Variants in ZNF804B observed in about 807,000 individuals in gnomAD.
ZNF804B encodes the protein zinc finger protein 804B.
A neutral mutation model predicts 101.4 loss-of-function variants in ZNF804B; 80 were observed. The observed-to-expected ratio is 0.79, with a 90% CI of 0.66 to 0.95. The LOEUF (loss-of-function observed/expected upper bound fraction) is 0.95, where lower values mean the gene tolerates loss of function less well. ZNF804B is among the 40% of genes least tolerant of loss of function. The pLI, the probability that ZNF804B is intolerant of heterozygous loss-of-function variation, is 0.00. For missense variants in ZNF804B, 1,673 were observed against 1,561.9 expected (o/e 1.07, Z -1.20); for synonymous variants, 622 against 558.8 (o/e 1.11, Z -1.59).
intron 2 of ZNF804B, among the ~76,000 whole-genome samples, chr7:89,269,185 G>A (rs1308227253): frequency 6.6e-6 from 1 of 152,002 alleles, no homozygotes; most frequent in Non-Finnish European, 1.5e-5. Flanking sequence ...TTTACATTAG[G>A]TACATCTCCT....
intron 2 of ZNF804B, among the ~76,000 whole-genome samples, chr7:89,296,716 TAG>T (rs1435053370): frequency 6.6e-6 from 1 of 152,100 alleles, no homozygotes; most frequent in Admixed American, 6.6e-5. Context: ...TTCTTTAATG[TAG>T]AGTCTCAGCA....
chr7:89,210,379 G>T (rs1420360830), intron 1 of ZNF804B, among the ~76,000 whole-genome samples: 2 of 152,084 alleles, frequency 1.3e-5, no homozygotes, highest in Admixed American at 6.6e-5. Flanking sequence ...TGCGCAGGAT[G>T]TGCAGGTTTG....
At chr7:89,125,684 T>C (rs1790466770) in intron 1 of ZNF804B, among the ~76,000 whole-genome samples, 1 of 152,112 alleles carries the variant, frequency 6.6e-6, no homozygotes, top group South Asian at 2.1e-4. Context: ...GTGCTACTTC[T>C]TCCTTCAGTA....
At chr7:89,143,965 T>G (rs1036850268) in intron 1 of ZNF804B, among the ~76,000 whole-genome samples, 1 of 152,004 alleles carries the variant, frequency 6.6e-6, no homozygotes, top group Non-Finnish European at 1.5e-5. Context: ...AGTAGCTATA[T>G]TCTCTCCAAT....
At chr7:89,144,580 A>G (rs933812969) in intron 1 of ZNF804B, among the ~76,000 whole-genome samples, 1 of 151,918 alleles carries the variant, frequency 6.6e-6, no homozygotes, top group Admixed American at 6.6e-5. Flanking sequence ...ATGTTGATCA[A>G]AAGGTATAAG....
intron 1 of ZNF804B, among the ~76,000 whole-genome samples, chr7:88,985,251 C>CAA (rs58927850): frequency 0.1 from 12,848 of 125,962 alleles, 602 homozygotes; most frequent in South Asian, 0.19. Flanking sequence ...TTTGTTTAAC[C>CAA]AAAAAAAAAA....
chr7:89,246,990 TGAG>T (rs1789458837), intron 2 of ZNF804B, among the ~76,000 whole-genome samples: 1 of 152,098 alleles, frequency 6.6e-6, no homozygotes, highest in Non-Finnish European at 1.5e-5. Context: ...ACCATTCCTG[TGAG>T]GAGATCTTGG....
At chr7:89,018,573 T>A (rs946823160) in intron 1 of ZNF804B, among the ~76,000 whole-genome samples, 2 of 152,082 alleles carry the variant, frequency 1.3e-5, no homozygotes, top group Non-Finnish European at 2.9e-5. Flanking sequence ...CTTCAATTTT[T>A]GGAATCGTTT....
intron 1 of ZNF804B, among the ~76,000 whole-genome samples, chr7:88,874,483 C>A (rs1178737957): frequency 6.6e-6 from 1 of 151,930 alleles, no homozygotes; most frequent in Non-Finnish European, 1.5e-5. Context: ...GCCTAATTGC[C>A]CTGGCTAGAA....
chr7:88,853,819 TG>T (rs1178987974), intron 1 of ZNF804B, among the ~76,000 whole-genome samples: 1 of 152,126 alleles, frequency 6.6e-6, no homozygotes, highest in African/African-American at 2.4e-5. Context: ...TAAGATGGTA[TG>T]ACCTTCTTGA....
intron 2 of ZNF804B, among the ~76,000 whole-genome samples, chr7:89,221,672 TAAAC>T (rs1216125941): frequency 1.3e-5 from 2 of 150,604 alleles, no homozygotes; most frequent in Admixed American, 6.7e-5. Flanking sequence ...AACATGTTGA[TAAAC>T]AACCTTCCTC....
chr7:89,111,235 C>G (rs894767951), intron 1 of ZNF804B, among the ~76,000 whole-genome samples: 2 of 152,144 alleles, frequency 1.3e-5, no homozygotes, highest in African/African-American at 4.8e-5. Context: ...TTAAACTCAC[C>G]TGGACAAAGA....
At chr7:88,999,692 A>G (rs2373828) in intron 1 of ZNF804B, among the ~76,000 whole-genome samples, 128,498 of 151,946 alleles carry the variant, frequency 0.85, 54,755 homozygotes, top group African/African-American at 0.95. Context: ...ATGAGCCAGC[A>G]TGTAAAAATA....
intron 2 of ZNF804B, among the ~76,000 whole-genome samples, chr7:89,318,539 G>GT (rs1477388641): frequency 3.9e-5 from 6 of 152,208 alleles, no homozygotes; most frequent in African/African-American, 1.4e-4. Flanking sequence ...AAGGTGGGCA[G>GT]ATCACCTGAG....
intron 2 of ZNF804B, among the ~76,000 whole-genome samples, chr7:89,279,670 G>A (rs1232524957): frequency 1.3e-5 from 2 of 152,130 alleles, no homozygotes; most frequent in Admixed American, 6.6e-5. Flanking sequence ...ATTTTCATAT[G>A]TTGAACCAGC....
intron 1 of ZNF804B, among the ~76,000 whole-genome samples, chr7:88,858,896 G>A (rs1295333928): frequency 6.6e-6 from 1 of 151,974 alleles, no homozygotes; most frequent in African/African-American, 2.4e-5. Flanking sequence ...ATAGCTATAA[G>A]GTAGGCATAT....
intron 1 of ZNF804B, among the ~76,000 whole-genome samples, chr7:88,786,807 A>C (rs961613325): frequency 2.0e-5 from 3 of 152,156 alleles, no homozygotes; most frequent in African/African-American, 7.2e-5. Flanking sequence ...ATTGCATAAC[A>C]CTTTTGATAA....
intron 1 of ZNF804B, among the ~76,000 whole-genome samples, chr7:88,808,363 C>G (rs929872572): frequency 8.2e-6 from 1 of 122,426 alleles, no homozygotes; most frequent in Non-Finnish European, 1.7e-5. Context: ...GCCTGGGGGA[C>G]AAGAGTGAGA....
chr7:88,767,905 A>G (rs1403836039), intron 1 of ZNF804B, among the ~76,000 whole-genome samples: 1 of 152,184 alleles, frequency 6.6e-6, no homozygotes, highest in Non-Finnish European at 1.5e-5. Context: ...TATCTTGTAT[A>G]TTCTTACAGA....
Sources: allele counts gnomAD v4.1 joint callset (sites outside exome capture counted in the v4.1 genomes callset), GRCh38; gene constraint gnomAD v4.1.1; transcripts MANE v1.5; gene names NCBI Gene and HGNC (gene_info 2026-07-23, HGNC 2026-07-21).